The following BBX variants were observed in gnomAD, a reference collection of about 807,000 sequenced individuals.
BBX encodes the protein BBX high mobility group box domain containing.
In BBX, 30 loss-of-function variants were observed where a neutral mutation model predicts 100.2. The observed-to-expected ratio is 0.30, with a 90% confidence interval of 0.22 to 0.41. The LOEUF (loss-of-function observed/expected upper bound fraction) is 0.41, where lower values mean the gene tolerates loss of function less well. BBX is among the 10% of genes least tolerant of loss of function. BBX has a pLI of 1.00. For synonymous variants in BBX, 376 were observed against 388.1 expected (o/e 0.97, Z 0.37); for missense variants, 1,023 against 1,129.8 (o/e 0.91, Z 1.35).
At chr3:107,685,541 T>C (rs941127025) in intron 3 of BBX, among the ~76,000 whole-genome samples, 1 of 152,234 alleles carries the variant, frequency 6.6e-6, no homozygotes, top group Non-Finnish European at 1.5e-5. Context: ...TCATCAGCTC[T>C]CGCCAGTGAT....
chr3:107,796,443 A>C (rs1471821887), intron 15 of BBX, among the ~76,000 whole-genome samples: 1 of 152,188 alleles, frequency 6.6e-6, no homozygotes, highest in Admixed American at 6.5e-5. Context: ...TCTTTCTGGA[A>C]TGTCCATCCA....
chr3:107,748,446 A>G (rs977737426), intron 9 of BBX, among the ~76,000 whole-genome samples: 1 of 152,220 alleles, frequency 6.6e-6, no homozygotes, highest in African/African-American at 2.4e-5. Context: ...AGTGGTGAAT[A>G]CGACCTGTTA....
intron 2 of BBX, among the ~76,000 whole-genome samples, chr3:107,619,719 G>C (rs1441173986): frequency 6.6e-6 from 1 of 152,066 alleles, no homozygotes; most frequent in African/African-American, 2.4e-5. Context: ...CTGGGTATAG[G>C]ATCCTGGATC....
intron 2 of BBX, among the ~76,000 whole-genome samples, chr3:107,597,197 T>C (rs971360396): frequency 1.3e-5 from 2 of 152,222 alleles, no homozygotes; most frequent in East Asian, 1.9e-4. Context: ...TATGAACTAC[T>C]GTTTGTGTGA....
At chr3:107,777,796 T>G (rs1403490590) in intron 12 of BBX, among the ~76,000 whole-genome samples, 1 of 152,202 alleles carries the variant, frequency 6.6e-6, no homozygotes, top group African/African-American at 2.4e-5. Context: ...CTCTCCAGAA[T>G]GTTTTCCTAG....
intron 13 of BBX, among the ~76,000 whole-genome samples, chr3:107,786,126 A>T (rs1280312280): frequency 6.6e-6 from 1 of 152,126 alleles, no homozygotes; most frequent in Non-Finnish European, 1.5e-5. Flanking sequence ...TTAACAAAAG[A>T]AGTACAGTAC....
intron 4 of BBX, among the ~76,000 whole-genome samples, chr3:107,713,880 A>T (rs1248398848): frequency 6.8e-6 from 1 of 147,020 alleles, no homozygotes; most frequent in Non-Finnish European, 1.5e-5. Flanking sequence ...TTAGTTCCCC[A>T]TGTCTCTCCA....
intron 10 of BBX, among the ~76,000 whole-genome samples, chr3:107,768,473 T>C (rs893837598): frequency 6.6e-6 from 1 of 152,226 alleles, no homozygotes; most frequent in Non-Finnish European, 1.5e-5. Flanking sequence ...GGCCCTGTCC[T>C]TGGCCATGTT....
chr3:107,660,505 TAAAA>T lies in BBX; in HGVS notation c.-10+14615_-10+14618del, dbSNP rs34604623. 1.8e-3 allele frequency among the ~76,000 whole-genome samples: 182 copies of T among 101,284 alleles called. 1 individual carries two copies. The highest frequency in any genetic ancestry group is 5.2e-3 in the East Asian group (17 of 3,264). 66.4% of individuals were successfully genotyped at this position (101,284 alleles called of 152,430 possible). ...ATCGTAAGTATTGTGCAAAAAGCAT[TAAAA>T]AAAAAAAAAAAAAAAAAAGCATGTA... On this transcript the variant is annotated intron_variant, in intron 3 of 17. Coordinates refer to ENST00000325805, the MANE Select transcript of BBX (RefSeq NM_001142568.3).
At chr3:107,612,447 T>C (rs972079492) in intron 2 of BBX, among the ~76,000 whole-genome samples, 3 of 152,200 alleles carry the variant, frequency 2.0e-5, no homozygotes, top group Non-Finnish European at 4.4e-5. Flanking sequence ...GTTGTATCTG[T>C]ATTAGGGGGC....
At chr3:107,573,952 T>C (rs1223406424) in intron 2 of BBX, among the ~76,000 whole-genome samples, 1 of 152,206 alleles carries the variant, frequency 6.6e-6, no homozygotes, top group Non-Finnish European at 1.5e-5. Flanking sequence ...CTCAAACTCC[T>C]GATCTCGGGT....
intron 3 of BBX, among the ~76,000 whole-genome samples, chr3:107,674,221 A>AGT (rs2059168933): frequency 2.0e-5 from 3 of 152,178 alleles, no homozygotes; most frequent in African/African-American, 7.2e-5. Flanking sequence ...TATGTAACTA[A>AGT]TACCAAAAAC....
At chr3:107,739,576 G>A (rs1327302119) in intron 7 of BBX, among the ~76,000 whole-genome samples, 1 of 152,162 alleles carries the variant, frequency 6.6e-6, no homozygotes, top group Non-Finnish European at 1.5e-5. Context: ...AAGTCCCTAA[G>A]CTGCGTTGAT....
At chr3:107,603,145 T>C (rs1031489745) in intron 2 of BBX, among the ~76,000 whole-genome samples, 22 of 151,650 alleles carry the variant, frequency 1.5e-4, no homozygotes, top group Non-Finnish European at 2.5e-4. Flanking sequence ...TTTTTGTTTT[T>C]AGTAGAGACG....
chr3:107,673,290 G>A (rs890689259), intron 3 of BBX, among the ~76,000 whole-genome samples: 6 of 151,918 alleles, frequency 3.9e-5, no homozygotes, highest in African/African-American at 1.4e-4. Context: ...CCTTTTATGG[G>A]GTGTAATGAC....
intron 3 of BBX, among the ~76,000 whole-genome samples, chr3:107,676,287 T>G (rs2059276842): frequency 6.6e-6 from 1 of 152,186 alleles, no homozygotes; most frequent in Non-Finnish European, 1.5e-5. Context: ...TGGTTGGATA[T>G]CAGTCTTCCA....
intron 1 of BBX, chr3:107,525,260 C>G (rs1226094022): frequency 6.6e-6 from 1 of 151,526 alleles, no homozygotes; most frequent in Non-Finnish European, 1.5e-5. Flanking sequence ...GGCGGTGCCT[C>G]CCTGGGGGGC....
intron 3 of BBX, among the ~76,000 whole-genome samples, chr3:107,701,435 A>C (rs73206990): frequency 0.14 from 20,726 of 152,218 alleles, 1,803 homozygotes; most frequent in South Asian, 0.28. Context: ...TTAAGGATTA[A>C]AGAAATTAAT....
chr3:107,778,790 G>C (rs900150382), intron 13 of BBX, among the ~76,000 whole-genome samples: 1 of 151,632 alleles, frequency 6.6e-6, no homozygotes, highest in African/African-American at 2.4e-5. Flanking sequence ...TCAACCTCCT[G>C]CTCTCCAGAA....
Sources: allele counts gnomAD v4.1 joint callset (sites outside exome capture counted in the v4.1 genomes callset), GRCh38; gene constraint gnomAD v4.1.1; transcripts MANE v1.5; gene names NCBI Gene and HGNC (gene_info 2026-07-23, HGNC 2026-07-21).